The following TCF7L2 variants were observed in gnomAD, a reference collection of about 807,000 sequenced individuals.
The protein encoded by TCF7L2 is transcription factor 7 like 2.
TCF7L2 carries 23 observed loss-of-function variants against 77.9 expected under a neutral mutation model. The observed-to-expected ratio is 0.30, with a 90% CI of 0.21 to 0.42. The LOEUF (loss-of-function observed/expected upper bound fraction) is 0.42, where lower values mean the gene tolerates loss of function less well. Ranked by LOEUF, TCF7L2 falls within the 10% of genes least tolerant of loss-of-function variation. The probability of loss-of-function intolerance (pLI) is 1.00; values close to 1 mark genes in which losing one functional copy is unlikely to be tolerated. For synonymous variants in TCF7L2, 413 were observed against 340.2 expected (o/e 1.21, Z -2.36); for missense variants, 654 against 793.1 (o/e 0.82, Z 2.11).
chr10:113,007,540 T>A (rs1235903870), intron 4 of TCF7L2, among the ~76,000 whole-genome samples: 2 of 152,348 alleles, frequency 1.3e-5, no homozygotes, highest in East Asian at 3.9e-4. Context: ...AACGTTCAAG[T>A]TAATAGCTTG....
At chr10:113,015,401 C>T (rs1002943365) in intron 4 of TCF7L2, among the ~76,000 whole-genome samples, 5 of 150,310 alleles carry the variant, frequency 3.3e-5, no homozygotes, top group African/African-American at 9.8e-5. Flanking sequence ...CTCCCTGCCT[C>T]GTGCCAGGTG....
intron 4 of TCF7L2, among the ~76,000 whole-genome samples, chr10:112,991,862 C>G (rs2042614555): frequency 1.3e-5 from 2 of 152,182 alleles, no homozygotes. Context: ...CCTCTGATTC[C>G]TGAGGAAACA....
intron 4 of TCF7L2, among the ~76,000 whole-genome samples, chr10:112,998,122 A>G (rs952098849): frequency 2.7e-5 from 4 of 150,678 alleles, no homozygotes; most frequent in Admixed American, 1.3e-4. Context: ...TTTTTTCTAA[A>G]GAGATGGAGT....
Position 113,039,936 on chromosome 10 carries a change from C to G in TCF7L2, c.451-89C>G. 2.7e-6 allele frequency: 3 copies of G among 1,108,908 alleles called. No individual in the cohort carries two copies. In the South Asian group the frequency reaches 4.5e-5, roughly 17 times the overall value. The allele number at this position is 1,108,908 out of a possible 1,614,324, so 68.7% of individuals were successfully genotyped here. A position where few individuals can be genotyped will look rare whatever the true frequency, so the allele number is the denominator to read the frequency against. On this transcript the variant is annotated intron_variant, in intron 4 of 13. Coordinates refer to ENST00000627217, the MANE Select transcript of TCF7L2 (RefSeq NM_001146274.2). Reference sequence around the variant, plus strand: ...GCTTGTATGTTTTTCAGTTTCTGACCCATGTCACAGTTATTTCTTGGGCTA... The same window carrying G: ...GCTTGTATGTTTTTCAGTTTCTGACGCATGTCACAGTTATTTCTTGGGCTA...
At chr10:113,136,823 A>G (rs138270144) in intron 5 of TCF7L2, among the ~76,000 whole-genome samples, 38 of 152,312 alleles carry the variant, frequency 2.5e-4, no homozygotes, top group African/African-American at 8.7e-4. Context: ...TACTTTTCAT[A>G]TCTAAATTTT....
chr10:112,964,814 G>GTGGTGGTGATGGTGGTGGTGGTGGT lies in TCF7L2; in HGVS notation c.450+190_450+191insTGGTGGTGATGGTGGTGGTGGTGGT, dbSNP rs1400096451. 3.6e-4 allele frequency among the ~76,000 whole-genome samples: 42 copies of GTGGTGGTGATGGTGGTGGTGGTGGT among 116,176 alleles called. 1 individual carries two copies. Among genetic ancestry groups the GTGGTGGTGATGGTGGTGGTGGTGGT allele is most frequent in the African/African-American group, 1.9e-3 (39 of 21,060 alleles). 76.2% of individuals were successfully genotyped at this position (116,176 alleles called of 152,430 possible). ...GGTGATGGTGGTGGTGGTGGTGGTG[G>GTGGTGGTGATGGTGGTGGTGGTGGT]GGGGGGGTTGAATCACTGGGGGAGA... On this transcript the variant is annotated intron_variant, in intron 4 of 13. Coordinates refer to ENST00000627217, the MANE Select transcript of TCF7L2 (RefSeq NM_001146274.2).
intron 5 of TCF7L2, among the ~76,000 whole-genome samples, chr10:113,114,922 T>C (rs1205299431): frequency 1.3e-5 from 2 of 152,146 alleles, no homozygotes; most frequent in African/African-American, 4.8e-5. Context: ...AAGTAGGAAA[T>C]AGGTACCGTC....
At chr10:113,064,055 G>C (rs2056906235) in intron 5 of TCF7L2, among the ~76,000 whole-genome samples, 2 of 152,136 alleles carry the variant, frequency 1.3e-5, no homozygotes, top group African/African-American at 4.8e-5. Context: ...TTGGTATTTG[G>C]AGAGATTGTT....
intron 5 of TCF7L2, among the ~76,000 whole-genome samples, chr10:113,097,451 G>A (rs1034088446): frequency 6.6e-6 from 1 of 151,916 alleles, no homozygotes; most frequent in Non-Finnish European, 1.5e-5. Context: ...TCAGGAGTTC[G>A]AGACCAGCCT....
At chr10:113,109,413 A>G (rs2062835300) in intron 5 of TCF7L2, among the ~76,000 whole-genome samples, 1 of 152,244 alleles carries the variant, frequency 6.6e-6, no homozygotes, top group East Asian at 1.9e-4. Flanking sequence ...TTGAGACAGG[A>G]CAGGCTCTGG....
intron 5 of TCF7L2, among the ~76,000 whole-genome samples, chr10:113,136,906 G>C (rs913391791): frequency 6.6e-6 from 1 of 152,150 alleles, no homozygotes; most frequent in Non-Finnish European, 1.5e-5. Flanking sequence ...CAAAGAGAAG[G>C]AGAACCATCC....
chr10:113,160,343 C>G (rs1262309351), intron 12 of TCF7L2, among the ~76,000 whole-genome samples: 1 of 151,976 alleles, frequency 6.6e-6, no homozygotes, highest in Admixed American at 6.6e-5. Flanking sequence ...ACCTTCTCCC[C>G]TCCTCTTCTC....
chr10:113,116,573 T>C (rs2063758418), intron 5 of TCF7L2, among the ~76,000 whole-genome samples: 1 of 152,210 alleles, frequency 6.6e-6, no homozygotes, highest in South Asian at 2.1e-4. Flanking sequence ...ATCCTTTGCT[T>C]ATTTGTGAAA....
Position 112,982,201 on chromosome 10 carries a change from A to C in TCF7L2, c.450+17577A>C, listed in dbSNP as rs74159628. Among the ~76,000 whole-genome samples the C allele has an allele frequency of 3.5e-3, 526 of 152,142 alleles. 3 individuals carry two copies. Among genetic ancestry groups the C allele is most frequent in the African/African-American group, 0.012 (493 of 41,490 alleles). On this transcript the variant is annotated intron_variant, in intron 4 of 13. Coordinates refer to ENST00000627217, the MANE Select transcript of TCF7L2 (RefSeq NM_001146274.2). ...CTCCATGAAGTATGAACTTTTCTCTATCCCAGTATTTAATTTCCACCACTT... is the reference window on the plus strand; with the variant it reads ...CTCCATGAAGTATGAACTTTTCTCTCTCCCAGTATTTAATTTCCACCACTT...
At chr10:113,159,381 TTTTC>T (rs1219063128) in intron 12 of TCF7L2, among the ~76,000 whole-genome samples, 5 of 152,174 alleles carry the variant, frequency 3.3e-5, no homozygotes, top group Admixed American at 6.5e-5. Context: ...ACCACAACCC[TTTTC>T]TTTCTTTATT....
At chr10:112,951,435 C>A (rs201349450) in intron 2 of TCF7L2, 48 bp from the exon 3 acceptor site, 6 of 1,365,168 alleles carry the variant, frequency 4.4e-6, no homozygotes, top group Non-Finnish European at 5.8e-6. Flanking sequence ...CTCACTCTCT[C>A]CCGCTCCGCG....
intron 5 of TCF7L2, among the ~76,000 whole-genome samples, chr10:113,088,722 C>T (rs1040060131): frequency 2.0e-4 from 30 of 151,810 alleles, no homozygotes; most frequent in African/African-American, 2.7e-4. Context: ...TTTGGGAGGC[C>T]GAGATAGGAG....
At chr10:112,985,958 A>G (rs2041447693) in intron 4 of TCF7L2, among the ~76,000 whole-genome samples, 1 of 151,980 alleles carries the variant, frequency 6.6e-6, no homozygotes. Context: ...TGGAGTTTCT[A>G]TATTCAAATC....
chr10:113,081,890 T>C (rs2135464054), intron 5 of TCF7L2, among the ~76,000 whole-genome samples: 1 of 152,314 alleles, frequency 6.6e-6, no homozygotes, highest in South Asian at 2.1e-4. Context: ...CAGGCTGGAG[T>C]GCAGTGGCAT....
Sources: allele counts gnomAD v4.1 joint callset (sites outside exome capture counted in the v4.1 genomes callset), GRCh38; gene constraint gnomAD v4.1.1; transcripts MANE v1.5; gene names NCBI Gene and HGNC (gene_info 2026-07-23, HGNC 2026-07-21).